DOCK5: variants seen among roughly 807,000 people sequenced by gnomAD.
The protein encoded by DOCK5 is dedicator of cytokinesis protein 5.
Under a neutral mutation model 251.8 loss-of-function variants are expected in DOCK5, and 142 were observed. The ratio of observed to expected loss-of-function variants is 0.56; its 90% CI spans 0.49 to 0.65. DOCK5 has a LOEUF of 0.65. Ranked by LOEUF, DOCK5 falls within the 30% of genes least tolerant of loss-of-function variation. The pLI, the probability that DOCK5 is intolerant of heterozygous loss-of-function variation, is 0.00. For synonymous variants in DOCK5, 842 were observed against 835.5 expected, an observed-to-expected ratio of 1.01 and a Z score of -0.13; for missense variants, 2,111 against 2,312.3, an observed-to-expected ratio of 0.91 and a Z score of 1.79.
In DOCK5 at chr8:25,296,546, C is replaced by G. The variant is rs1245545809; in HGVS notation, c.504C>G (p.Asp168Glu). Reference protein sequence around the residue: ...MLGLDLVVRDDNGNILDPDET... With the variant: ...MLGLDLVVRDENGNILDPDET... ...GGTTAGATCTGGTGGTGCGAGATGACAATGGGAACATCCTAGACCCTGACG... is the reference window on the plus strand; with the variant it reads ...GGTTAGATCTGGTGGTGCGAGATGAGAATGGGAACATCCTAGACCCTGACG... Residue 168 changes from aspartate to glutamate, a missense_variant, in exon 7 of 52, where the codon GAC becomes GAG. Asp to Glu is a conservative substitution (Grantham distance 45, BLOSUM62 2). Coordinates refer to ENST00000276440, the MANE Select transcript of DOCK5 (RefSeq NM_024940.8). 6.2e-7 allele frequency: 1 copy of G among 1,611,524 alleles called. No homozygotes were observed. Among genetic ancestry groups the G allele is most frequent in the Admixed American group, 1.7e-5 (1 of 59,656 alleles).
chr8:25,336,499 C>A, intron 22 of DOCK5, 126 bp downstream of exon 22: 1 of 1,261,172 alleles, frequency 7.9e-7, no homozygotes, highest in Non-Finnish European at 1.1e-6. Context: ...TATTTCAGAA[C>A]TGCAGGGCTG....
intron 1 of DOCK5, among the ~76,000 whole-genome samples, chr8:25,237,172 G>C: frequency 6.6e-6 from 1 of 152,076 alleles, no homozygotes. Context: ...TTCGAGACCA[G>C]CCTGTCCAAC....
chr8:25,412,649 G>A lies in DOCK5; in HGVS notation c.*1351G>A, dbSNP rs1313788422. 1 of 152,198 alleles carries A rather than the reference G, an allele frequency of 6.6e-6. No homozygotes were observed. The highest frequency in any genetic ancestry group is 1.9e-4 in the East Asian group (1 of 5,196). 9.4% of individuals were successfully genotyped at this position (152,198 alleles called of 1,614,324 possible). A position where few individuals can be genotyped will look rare whatever the true frequency, so the allele number is the denominator to read the frequency against. On this transcript the variant is annotated 3_prime_UTR_variant, in exon 52 of 52. Coordinates refer to ENST00000276440, the MANE Select transcript of DOCK5 (RefSeq NM_024940.8). Reference sequence around the variant, plus strand: ...TTTGTGGCAAAGCAGAAAGCTTTTTGACTGTGAAGGCAGAGGTCAGCACTG... The same window carrying A: ...TTTGTGGCAAAGCAGAAAGCTTTTTAACTGTGAAGGCAGAGGTCAGCACTG...
intron 2 of DOCK5, among the ~76,000 whole-genome samples, chr8:25,245,166 C>T (rs1228597157): frequency 6.6e-6 from 1 of 152,158 alleles, no homozygotes; most frequent in Non-Finnish European, 1.5e-5. Flanking sequence ...ATGCCATTCT[C>T]CTGCCTCAGC....
intron 2 of DOCK5, among the ~76,000 whole-genome samples, chr8:25,255,504 C>T (rs1803397198): frequency 6.6e-6 from 1 of 152,192 alleles, no homozygotes; most frequent in East Asian, 1.9e-4. Context: ...TAAAAAGATT[C>T]GTGGTTGCCA....
At chr8:25,198,561 G>C (rs1801791460) in intron 1 of DOCK5, among the ~76,000 whole-genome samples, 1 of 114,506 alleles carries the variant, frequency 8.7e-6, no homozygotes, top group Non-Finnish European at 2.0e-5. Context: ...AACAGAGCGA[G>C]ACTCCATCTC....
chr8:25,248,761 A>G (rs2117556964), intron 2 of DOCK5, among the ~76,000 whole-genome samples: 1 of 152,206 alleles, frequency 6.6e-6, no homozygotes, highest in East Asian at 1.9e-4. Flanking sequence ...GTGCCTCCCT[A>G]GCTCCTGGTA....
intron 1 of DOCK5, among the ~76,000 whole-genome samples, chr8:25,233,229 C>T (rs1802714941): frequency 6.6e-6 from 1 of 152,184 alleles, no homozygotes; most frequent in African/African-American, 2.4e-5. Flanking sequence ...AGGTATCACT[C>T]CCTGCATTGC....
chr8:25,397,762 A>G (rs1801371288), intron 45 of DOCK5, among the ~76,000 whole-genome samples: 2 of 146,420 alleles, frequency 1.4e-5, no homozygotes, highest in Admixed American at 7.2e-5. Context: ...TGACTGACAC[A>G]TAATATCATA....
At chr8:25,305,949 T>C (rs1344749702) in intron 11 of DOCK5, among the ~76,000 whole-genome samples, 1 of 152,116 alleles carries the variant, frequency 6.6e-6, no homozygotes, top group Admixed American at 6.5e-5. Flanking sequence ...ATATGTATTA[T>C]ATGTAATATA....
chr8:25,288,540 A>G (rs1177135534), intron 5 of DOCK5, among the ~76,000 whole-genome samples: 1 of 152,326 alleles, frequency 6.6e-6, no homozygotes, highest in East Asian at 1.9e-4. Context: ...GTGCACATGT[A>G]CCCCAAACAA....
chr8:25,315,966 G>A (rs1437762646), intron 13 of DOCK5, among the ~76,000 whole-genome samples: 1 of 152,028 alleles, frequency 6.6e-6, no homozygotes, highest in Non-Finnish European at 1.5e-5. Flanking sequence ...TGCAGGTGTT[G>A]GAATCATTTT....
At chr8:25,304,127 T>TA (rs1804838484) in intron 10 of DOCK5, 128 bp from the exon 11 acceptor site, 3 of 773,264 alleles carry the variant, frequency 3.9e-6, no homozygotes, top group Non-Finnish European at 1.9e-6. Flanking sequence ...AAAGAAATTT[T>TA]AAAAAAGTCC....
intron 1 of DOCK5, among the ~76,000 whole-genome samples, chr8:25,239,341 ATGTGTGTG>A (rs55869213): frequency 9.8e-5 from 14 of 142,292 alleles, no homozygotes; most frequent in African/African-American, 3.0e-4. Flanking sequence ...GTGTGTGTGT[ATGTGTGTG>A]TGTGTGTGTG....
Position 25,185,556 on chromosome 8 carries a change from G to C in DOCK5, c.43+605G>C, listed in dbSNP as rs193043990. On this transcript the variant is annotated intron_variant, in intron 1 of 51. Transcript: ENST00000276440. Reference sequence around the variant, plus strand: ...GGACAGGAAGTTGTGGCACGGGAAGGGGGTGGCTGGCCCCTGGGGCTGTTT... The same window carrying C: ...GGACAGGAAGTTGTGGCACGGGAAGCGGGTGGCTGGCCCCTGGGGCTGTTT... Among the ~76,000 whole-genome samples the C allele has an allele frequency of 3.9e-4, 59 of 152,300 alleles. No individual in the cohort carries two copies. In the East Asian group the frequency reaches 0.011, roughly 29 times the overall value.
In DOCK5 at chr8:25,245,684, C is replaced by A. The variant is rs977826006; in HGVS notation, c.127+1927C>A. Among the ~76,000 whole-genome samples the A allele has an allele frequency of 3.9e-5, 6 of 151,958 alleles. No individual in the cohort carries two copies. The South Asian group carries it at 1.0e-3, about 26-fold the overall frequency. On this transcript the variant is annotated intron_variant, in intron 2 of 51. Coordinates refer to ENST00000276440, the MANE Select transcript of DOCK5 (RefSeq NM_024940.8). ...CCTCCTGAGTAGCTGAGATTACAGG[C>A]ATATGTCATCACACCTCGCTAATTT...
chr8:25,302,623 A>G (rs1023859910), intron 10 of DOCK5, among the ~76,000 whole-genome samples, 169 bp downstream of exon 10: 18 of 152,238 alleles, frequency 1.2e-4, no homozygotes, highest in Admixed American at 2.6e-4. Flanking sequence ...TGTTTGTAGC[A>G]GTATTATTCA....
intron 2 of DOCK5, among the ~76,000 whole-genome samples, chr8:25,244,510 G>A (rs1321552229): frequency 6.6e-6 from 1 of 152,226 alleles, no homozygotes; most frequent in Non-Finnish European, 1.5e-5. Context: ...CTATGTTTAG[G>A]GTCCAGTTAT....
intron 34 of DOCK5, among the ~76,000 whole-genome samples, chr8:25,370,701 C>T (rs1197065107): frequency 6.6e-6 from 1 of 151,518 alleles, no homozygotes; most frequent in East Asian, 2.0e-4. Flanking sequence ...GAAATGGGGT[C>T]TTGCCGTGTT....
Sources: gnomAD v4.1 joint callset for allele counts (sites outside exome capture counted in the v4.1 genomes callset) on GRCh38, gnomAD v4.1.1 for gene constraint, MANE v1.5 for transcripts, NCBI Gene and HGNC (gene_info 2026-07-23, HGNC 2026-07-21) for gene names.